Variants in SCAPER observed in about 807,000 individuals in gnomAD.
SCAPER encodes the protein S phase cyclin A-associated protein in the endoplasmic reticulum.
SCAPER carries 98 observed loss-of-function variants against 182.2 expected under a neutral mutation model. The observed-to-expected ratio is 0.54, with a 90% CI of 0.46 to 0.64. The LOEUF (loss-of-function observed/expected upper bound fraction) is 0.64. SCAPER is among the 30% of genes least tolerant of loss of function. SCAPER has a pLI of 0.00. For synonymous variants in SCAPER, 605 were observed against 564.6 expected (o/e 1.07, Z -1.01); for missense variants, 1,432 against 1,690.0 (o/e 0.85, Z 2.68).
intron 5 of SCAPER, among the ~76,000 whole-genome samples, chr15:76,806,386 T>C (rs772661254): frequency 2.6e-5 from 4 of 152,334 alleles, no homozygotes; most frequent in South Asian, 4.1e-4. Flanking sequence ...TTCAAATCTA[T>C]TTCATTGATC....
intron 8 of SCAPER, among the ~76,000 whole-genome samples, chr15:76,789,035 C>T (rs78724840): frequency 6.6e-6 from 1 of 152,068 alleles, no homozygotes; most frequent in Non-Finnish European, 1.5e-5. Context: ...AAAGCAAATA[C>T]ATTTCTCTTG....
At chr15:76,603,311 T>G (rs2145815242) in intron 22 of SCAPER, among the ~76,000 whole-genome samples, 1 of 120,398 alleles carries the variant, frequency 8.3e-6, no homozygotes, top group East Asian at 2.2e-4. Flanking sequence ...GATAGTTTGC[T>G]GAGAATGATG....
intron 5 of SCAPER, among the ~76,000 whole-genome samples, chr15:76,812,627 C>T (rs184683250): frequency 9.2e-5 from 14 of 151,714 alleles, no homozygotes; most frequent in Middle Eastern, 3.4e-3. Flanking sequence ...ATACAACAGA[C>T]GCCTTGAAAA....
At chr15:76,832,378 A>C (rs2068559682) in intron 5 of SCAPER, among the ~76,000 whole-genome samples, 1 of 152,258 alleles carries the variant, frequency 6.6e-6, no homozygotes, top group Admixed American at 6.5e-5. Context: ...CTGAGGAAAG[A>C]ATCTCAGAGG....
At chr15:76,376,589 T>C (rs1198798357) in intron 28 of SCAPER, among the ~76,000 whole-genome samples, 1 of 152,254 alleles carries the variant, frequency 6.6e-6, no homozygotes, top group African/African-American at 2.4e-5. Flanking sequence ...ATTTATTCTA[T>C]TTTTAATAAC....
intron 25 of SCAPER, among the ~76,000 whole-genome samples, chr15:76,463,100 A>T (rs1215796789): frequency 1.3e-5 from 2 of 152,170 alleles, no homozygotes; most frequent in Non-Finnish European, 2.9e-5. Context: ...GGCACAGGAG[A>T]CATAAACAGA....
At chr15:76,670,102 C>T (rs1451433861) in intron 20 of SCAPER, among the ~76,000 whole-genome samples, 1 of 151,986 alleles carries the variant, frequency 6.6e-6, no homozygotes, top group Non-Finnish European at 1.5e-5. Flanking sequence ...AAATCTCAAA[C>T]CAGAGACAAA....
intron 28 of SCAPER, among the ~76,000 whole-genome samples, chr15:76,378,603 GTT>G (rs1482831785): frequency 2.2e-4 from 33 of 152,324 alleles, no homozygotes; most frequent in African/African-American, 7.9e-4. Flanking sequence ...AGACAGATGT[GTT>G]GCTTTAGCTG....
intron 23 of SCAPER, among the ~76,000 whole-genome samples, chr15:76,546,444 C>G (rs1016105731): frequency 6.6e-6 from 1 of 152,128 alleles, no homozygotes; most frequent in African/African-American, 2.4e-5. Context: ...CCCACCTTGG[C>G]CTCCCAAAGT....
chr15:76,699,953 G>A lies in SCAPER; in HGVS notation c.2508+1805C>T, dbSNP rs114150250. On this transcript the variant is annotated intron_variant, in intron 20 of 31. Transcript: ENST00000563290. ...GCAAAGTCCATGCAGCTGCCAGAAA[G>A]TGGTGGGGAGAGGCTGTGGGTAGTT... 3.5e-3 allele frequency among the ~76,000 whole-genome samples: 530 copies of A among 152,352 alleles called. 5 individuals are homozygous for A. The highest frequency in any genetic ancestry group is 0.012 in the African/African-American group (492 of 41,588).
rs56660301 is a variant in SCAPER, at chr15:76,535,521, CAAA to C, written c.2839-30550_2839-30548del. On this transcript the variant is annotated intron_variant, in intron 23 of 31. Coordinates refer to ENST00000563290, the MANE Select transcript of SCAPER (RefSeq NM_020843.4). Reference sequence around the variant, plus strand: ...TGGGCGACAGAGCAAGACTCTGTCTCAAAAAAAAAAAAAAAAAAAAAAAAAAGA... The same window carrying C: ...TGGGCGACAGAGCAAGACTCTGTCTCAAAAAAAAAAAAAAAAAAAAAAAGA... Among the ~76,000 whole-genome samples, 321 of 46,568 alleles carry C rather than the reference CAAA, an allele frequency of 6.9e-3. 1 individual carries two copies. The highest frequency in any genetic ancestry group is 0.021 in the African/African-American group (312 of 15,094). 30.6% of individuals were successfully genotyped at this position (46,568 alleles called of 152,430 possible).
At chr15:76,420,565 G>C (rs1052224845) in intron 26 of SCAPER, among the ~76,000 whole-genome samples, 4 of 152,028 alleles carry the variant, frequency 2.6e-5, no homozygotes, top group African/African-American at 9.7e-5. Context: ...ATAAAAATAA[G>C]ATACCTAGGA....
At chr15:76,724,925 G>T (rs776976163) in intron 17 of SCAPER, among the ~76,000 whole-genome samples, 1 of 151,918 alleles carries the variant, frequency 6.6e-6, no homozygotes, top group East Asian at 1.9e-4. Flanking sequence ...TTCTCTCAAC[G>T]CGTCAAAGTC....
chr15:76,684,342 G>A (rs1022923348), intron 20 of SCAPER, among the ~76,000 whole-genome samples: 4 of 152,226 alleles, frequency 2.6e-5, no homozygotes, highest in South Asian at 2.1e-4. Flanking sequence ...ACACCCATAT[G>A]CTCAATGTAA....
chr15:76,440,453 G>C (rs144615040), intron 25 of SCAPER, among the ~76,000 whole-genome samples: 1 of 152,136 alleles, frequency 6.6e-6, no homozygotes, highest in Non-Finnish European at 1.5e-5. Context: ...CCATGAGAGA[G>C]AAAATAAAAT....
intron 17 of SCAPER, among the ~76,000 whole-genome samples, chr15:76,710,244 C>A (rs2059490246): frequency 6.6e-6 from 1 of 151,978 alleles, no homozygotes; most frequent in Admixed American, 6.6e-5. Flanking sequence ...TTCACAGATG[C>A]CATAAGCCTT....
At chr15:76,746,365 T>G (rs1226806004) in intron 15 of SCAPER, among the ~76,000 whole-genome samples, 1 of 152,222 alleles carries the variant, frequency 6.6e-6, no homozygotes, top group Non-Finnish European at 1.5e-5. Context: ...AATCTGCACA[T>G]GCAGAACCCA....
At chr15:76,396,155 T>C (rs1446343464) in intron 27 of SCAPER, among the ~76,000 whole-genome samples, 1 of 152,228 alleles carries the variant, frequency 6.6e-6, no homozygotes, top group Non-Finnish European at 1.5e-5. Context: ...TGAATTTGTT[T>C]CTGGGTTCTC....
chr15:76,742,575 A>T (rs1401683724), intron 15 of SCAPER, among the ~76,000 whole-genome samples: 1 of 151,924 alleles, frequency 6.6e-6, no homozygotes, highest in Non-Finnish European at 1.5e-5. Context: ...ACTGAAAATG[A>T]AAGTCAATAT....
Sources: gnomAD v4.1 joint callset for allele counts (sites outside exome capture counted in the v4.1 genomes callset) on GRCh38, gnomAD v4.1.1 for gene constraint, MANE v1.5 for transcripts, NCBI Gene and HGNC (gene_info 2026-07-23, HGNC 2026-07-21) for gene names.